PIK3C2G: variants seen among roughly 807,000 people sequenced by gnomAD.
The protein encoded by PIK3C2G is phosphatidylinositol 3-kinase C2 domain-containing subunit gamma.
Under a neutral mutation model 181.1 loss-of-function variants are expected in PIK3C2G, and 168 were observed. The ratio of observed to expected loss-of-function variants is 0.93; its 90% confidence interval spans 0.82 to 1.05. The LOEUF is 1.05. PIK3C2G is among the 50% of genes least tolerant of loss of function. PIK3C2G has a pLI of 0.00. For synonymous variants in PIK3C2G, 573 were observed against 592.2 expected (o/e 0.97, Z 0.47); for missense variants, 1,869 against 1,732.8 (o/e 1.08, Z -1.40).
At chr12:18,494,095 C>A (rs1308331301) in intron 20 of PIK3C2G, among the ~76,000 whole-genome samples, 2 of 152,142 alleles carry the variant, frequency 1.3e-5, no homozygotes, top group Admixed American at 1.3e-4. Flanking sequence ...GAGATCCTAT[C>A]TTCCTTTCTT....
At chr12:18,558,087 C>T (rs944022568) in intron 26 of PIK3C2G, among the ~76,000 whole-genome samples, 3 of 152,064 alleles carry the variant, frequency 2.0e-5, no homozygotes, top group South Asian at 2.1e-4. Flanking sequence ...AATAATCATT[C>T]TTCTGGATTT....
intron 22 of PIK3C2G, among the ~76,000 whole-genome samples, chr12:18,503,074 G>A (rs925378847): frequency 6.6e-6 from 1 of 152,076 alleles, no homozygotes; most frequent in Non-Finnish European, 1.5e-5. Context: ...TGATTAATCC[G>A]ATCCAAACAC....
chr12:18,704,409 C>A, the PIK3C2G span, among the ~76,000 whole-genome samples: 1 of 151,876 alleles, frequency 6.6e-6, no homozygotes, highest in African/African-American at 2.4e-5. Context: ...CACTGTAACC[C>A]CCGCCTCCCG....
intron 13 of PIK3C2G, among the ~76,000 whole-genome samples, chr12:18,378,319 C>A (rs957089402): frequency 1.3e-5 from 2 of 151,858 alleles, no homozygotes; most frequent in Admixed American, 6.6e-5. Context: ...TGAGTTCCCC[C>A]CCCCGTAACT....
chr12:18,724,826 A>T, the PIK3C2G span, among the ~76,000 whole-genome samples: 5 of 152,232 alleles, frequency 3.3e-5, no homozygotes, highest in African/African-American at 9.6e-5. Context: ...AATCCCTGAA[A>T]ATTTTGGTTA....
At chr12:18,500,961 G>A (rs998042757) in intron 22 of PIK3C2G, among the ~76,000 whole-genome samples, 20 of 151,334 alleles carry the variant, frequency 1.3e-4, no homozygotes, top group Admixed American at 1.1e-3. Flanking sequence ...CAGACACACC[G>A]CCTTAAGAGC....
the PIK3C2G span, chr12:18,684,421 C>A: frequency 1.4e-6 from 1 of 722,756 alleles, no homozygotes; most frequent in Admixed American, 2.8e-5. Flanking sequence ...TTTTAATATA[C>A]TCAGTGTGAG....
At chr12:18,680,039 C>A in the PIK3C2G span, among the ~76,000 whole-genome samples, 1 of 151,922 alleles carries the variant, frequency 6.6e-6, no homozygotes. Flanking sequence ...TAGAATGCAT[C>A]ATAAGAACCC....
chr12:18,313,918 A>C, intron 5 of PIK3C2G, 44 bp from the exon 6 acceptor site: 1 of 956,014 alleles, frequency 1.0e-6, no homozygotes, highest in Non-Finnish European at 1.6e-6. Context: ...GTATTTGGGA[A>C]TATTATGGGA....
chr12:18,315,870 A>G (rs1950837047), intron 6 of PIK3C2G, among the ~76,000 whole-genome samples: 1 of 151,350 alleles, frequency 6.6e-6, no homozygotes, highest in African/African-American at 2.4e-5. Context: ...AATTGGTCAA[A>G]AATTCTAGCT....
the PIK3C2G span, among the ~76,000 whole-genome samples, chr12:18,685,839 C>A: frequency 1.1e-5 from 1 of 91,804 alleles, no homozygotes; most frequent in Non-Finnish European, 2.2e-5. Context: ...GTCACACACA[C>A]ACACGCGCAC....
chr12:18,520,651 G>A (rs1017246587), intron 24 of PIK3C2G, among the ~76,000 whole-genome samples: 1 of 151,964 alleles, frequency 6.6e-6, no homozygotes, highest in African/African-American at 2.4e-5. Context: ...CTTTGCATTG[G>A]GTTAGAATAT....
At chr12:18,420,352 T>C (rs1945411170) in intron 16 of PIK3C2G, among the ~76,000 whole-genome samples, 2 of 152,144 alleles carry the variant, frequency 1.3e-5, no homozygotes. Flanking sequence ...AAAACATTTA[T>C]TAAGTGCCTA....
At position 18,338,486 on chromosome 12, in the gene PIK3C2G, G is replaced by T. The variant is rs571849674; in HGVS notation, c.1333G>T (p.Glu445Ter). The T allele has an allele frequency of 6.3e-7, 1 of 1,589,054 alleles. No individual in the cohort carries two copies. The highest frequency in any genetic ancestry group is 2.2e-5 in the East Asian group (1 of 44,708). Residue 445 changes from glutamate (E) to a stop codon, truncating the protein, a stop_gained, in exon 9 of 33, where the codon GAA becomes TAA. Transcript: ENST00000538779. LOFTEE classifies it high-confidence loss of function. Reference sequence around the variant, plus strand: ...AATATGCAGTGTTCTAGGGTGTGTGGAAACCAAACAAATTACAGATGCAGT... The same window carrying T: ...AATATGCAGTGTTCTAGGGTGTGTGTAAACCAAACAAATTACAGATGCAGT... ...KKICSVLGCV[E>*]TKQITDAVNE...
chr12:18,660,790 T>A, the PIK3C2G span, among the ~76,000 whole-genome samples: 1 of 152,070 alleles, frequency 6.6e-6, no homozygotes, highest in Non-Finnish European at 1.5e-5. Flanking sequence ...GGAAAGTATG[T>A]CTCATTCAAA....
the PIK3C2G span, among the ~76,000 whole-genome samples, chr12:18,699,266 C>A: frequency 5.1e-3 from 775 of 152,280 alleles, 4 homozygotes; most frequent in Admixed American, 6.7e-3. Flanking sequence ...ATTAACCCTA[C>A]CCTCTTCAAT....
chr12:18,720,064 TAG>T, the PIK3C2G span, among the ~76,000 whole-genome samples: 1 of 152,110 alleles, frequency 6.6e-6, no homozygotes, highest in African/African-American at 2.4e-5. Context: ...AAGCATAGAT[TAG>T]TTTTCTTTGG....
chr12:18,484,172 C>T (rs1939819303), intron 18 of PIK3C2G, among the ~76,000 whole-genome samples: 1 of 152,138 alleles, frequency 6.6e-6, no homozygotes, highest in African/African-American at 2.4e-5. Context: ...CAGGAAGGTA[C>T]TGGAAGTCAC....
chr12:18,469,166 G>C (rs1165407939), intron 18 of PIK3C2G, among the ~76,000 whole-genome samples: 3 of 151,978 alleles, frequency 2.0e-5, no homozygotes, highest in Non-Finnish European at 2.9e-5. Flanking sequence ...AGTTAAATTT[G>C]CTTCCTACGT....
Sources: gnomAD v4.1 joint callset for allele counts (sites outside exome capture counted in the v4.1 genomes callset) on GRCh38, gnomAD v4.1.1 for gene constraint, MANE v1.5 for transcripts, NCBI Gene and HGNC (gene_info 2026-07-23, HGNC 2026-07-21) for gene names.